CNTNAP2: variants seen among roughly 807,000 people sequenced by gnomAD.
CNTNAP2 encodes contactin-associated protein-like 2.
CNTNAP2 carries 98 observed loss-of-function variants against 155.2 expected under a neutral mutation model. The ratio of observed to expected loss-of-function variants is 0.63; its 90% confidence interval spans 0.54 to 0.75. The LOEUF (loss-of-function observed/expected upper bound fraction) is 0.75. CNTNAP2 is among the 30% of genes least tolerant of loss of function. CNTNAP2 has a pLI of 0.00. For missense variants in CNTNAP2, 1,727 were observed against 1,688.1 expected (o/e 1.02, Z -0.40); for synonymous variants, 651 against 631.2 (o/e 1.03, Z -0.47).
chr7:146,444,659 CTCT>C (rs535491993), intron 1 of CNTNAP2, among the ~76,000 whole-genome samples: 179 of 144,736 alleles, frequency 1.2e-3, no homozygotes, highest in Non-Finnish European at 1.8e-3. Context: ...GATCCTCTCT[CTCT>C]TTTTTTTTTT....
intron 5 of CNTNAP2, among the ~76,000 whole-genome samples, chr7:147,111,588 C>T (rs1014795577): frequency 1.3e-5 from 2 of 152,168 alleles, no homozygotes; most frequent in Non-Finnish European, 2.9e-5. Flanking sequence ...CTGCATATGA[C>T]TAGCCAGTTC....
intron 11 of CNTNAP2, among the ~76,000 whole-genome samples, chr7:147,489,762 C>T (rs1213927864): frequency 6.6e-6 from 1 of 152,176 alleles, no homozygotes; most frequent in South Asian, 2.1e-4. Flanking sequence ...ACTACAGGCA[C>T]GTGCCACCAT....
intron 1 of CNTNAP2, among the ~76,000 whole-genome samples, chr7:146,230,937 C>T (rs1799373036): frequency 1.3e-5 from 2 of 152,044 alleles, no homozygotes; most frequent in Non-Finnish European, 2.9e-5. Context: ...ATTGCTTGAA[C>T]TCAGGAGGCA....
intron 21 of CNTNAP2, among the ~76,000 whole-genome samples, chr7:148,301,209 A>G (rs1797380522): frequency 6.6e-6 from 1 of 151,030 alleles, no homozygotes; most frequent in East Asian, 2.0e-4. Flanking sequence ...CAGGAGAATC[A>G]CTGGAACCCG....
At chr7:147,152,943 T>C (rs1801854695) in intron 8 of CNTNAP2, among the ~76,000 whole-genome samples, 1 of 152,142 alleles carries the variant, frequency 6.6e-6, no homozygotes, top group Non-Finnish European at 1.5e-5. Flanking sequence ...GCTTTTTCCA[T>C]TGGTTCATGC....
intron 1 of CNTNAP2, among the ~76,000 whole-genome samples, chr7:146,291,158 TAAGA>T (rs1800422635): frequency 6.6e-6 from 1 of 152,144 alleles, no homozygotes; most frequent in Non-Finnish European, 1.5e-5. Flanking sequence ...AAGATTTTTC[TAAGA>T]AAGAAGTTTA....
intron 13 of CNTNAP2, among the ~76,000 whole-genome samples, chr7:147,903,018 A>C (rs528504722): frequency 3.0e-5 from 4 of 131,446 alleles, no homozygotes; most frequent in African/African-American, 8.3e-5. Context: ...ATCAAGTGGT[A>C]GTTCTACTTT....
intron 1 of CNTNAP2, among the ~76,000 whole-genome samples, chr7:146,582,733 G>T (rs1017072365): frequency 6.6e-6 from 1 of 152,004 alleles, no homozygotes. Flanking sequence ...TATTTTCATA[G>T]ATTTCACCTA....
At chr7:146,908,968 G>C (rs948351058) in intron 3 of CNTNAP2, among the ~76,000 whole-genome samples, 2 of 148,390 alleles carry the variant, frequency 1.3e-5, no homozygotes, top group Non-Finnish European at 3.0e-5. Flanking sequence ...TGATAAAGGG[G>C]ATATCACCAC....
chr7:146,335,913 T>C (rs2129095707), intron 1 of CNTNAP2, among the ~76,000 whole-genome samples: 1 of 152,044 alleles, frequency 6.6e-6, no homozygotes, highest in South Asian at 2.1e-4. Context: ...TAAAAGTAAA[T>C]ATTGGCCAGG....
chr7:147,508,429 C>T (rs1301120198), intron 11 of CNTNAP2, among the ~76,000 whole-genome samples: 1 of 152,170 alleles, frequency 6.6e-6, no homozygotes, highest in Non-Finnish European at 1.5e-5. Flanking sequence ...TCCCATCTTC[C>T]TCTTCAGGTC....
intron 1 of CNTNAP2, among the ~76,000 whole-genome samples, chr7:146,253,791 T>C (rs1294406163): frequency 6.6e-6 from 1 of 152,134 alleles, no homozygotes; most frequent in Non-Finnish European, 1.5e-5. Context: ...GCATGGTGAC[T>C]CATGCCTTTA....
intron 1 of CNTNAP2, among the ~76,000 whole-genome samples, chr7:146,686,176 C>G (rs990244462): frequency 4.6e-5 from 7 of 151,910 alleles, no homozygotes; most frequent in African/African-American, 1.7e-4. Flanking sequence ...GTGGCATGTA[C>G]CTGTATTACC....
At chr7:147,594,342 G>A (rs1259349711) in intron 12 of CNTNAP2, among the ~76,000 whole-genome samples, 1 of 152,092 alleles carries the variant, frequency 6.6e-6, no homozygotes, top group African/African-American at 2.4e-5. Flanking sequence ...GGCTTCAGGA[G>A]CTGGCAGTGG....
intron 3 of CNTNAP2, among the ~76,000 whole-genome samples, chr7:146,884,434 T>C (rs910837344): frequency 6.6e-6 from 1 of 152,084 alleles, no homozygotes; most frequent in Non-Finnish European, 1.5e-5. Context: ...TGGCTGTTAC[T>C]ACTATACAGC....
intron 8 of CNTNAP2, among the ~76,000 whole-genome samples, chr7:147,280,912 G>T (rs889251810): frequency 2.6e-5 from 4 of 151,840 alleles, no homozygotes; most frequent in Non-Finnish European, 4.4e-5. Context: ...GTGCAGAGTT[G>T]TAATACTGAT....
intron 3 of CNTNAP2, among the ~76,000 whole-genome samples, chr7:147,033,759 C>T (rs779032234): frequency 2.9e-5 from 4 of 136,234 alleles, no homozygotes; most frequent in South Asian, 4.6e-4. Context: ...GGGAGTTAAT[C>T]AAAAACATAA....
At chr7:147,110,962 C>T (rs1800865917) in intron 5 of CNTNAP2, among the ~76,000 whole-genome samples, 1 of 152,188 alleles carries the variant, frequency 6.6e-6, no homozygotes, top group African/African-American at 2.4e-5. Flanking sequence ...CTGTCTTCCA[C>T]AATGATTGAA....
intron 11 of CNTNAP2, among the ~76,000 whole-genome samples, chr7:147,526,688 C>T (rs1255766917): frequency 6.6e-6 from 1 of 152,056 alleles, no homozygotes; most frequent in Non-Finnish European, 1.5e-5. Flanking sequence ...TATGTGCTCA[C>T]CAAATCAATT....
Sources: gnomAD v4.1 joint callset for allele counts (sites outside exome capture counted in the v4.1 genomes callset) on GRCh38, gnomAD v4.1.1 for gene constraint, MANE v1.5 for transcripts, NCBI Gene and HGNC (gene_info 2026-07-23, HGNC 2026-07-21) for gene names.